Variants in SLC36A1 observed in about 807,000 individuals in gnomAD.
The protein encoded by SLC36A1 is solute carrier family 36 member 1.
SLC36A1 carries 30 observed loss-of-function variants against 47.5 expected under a neutral mutation model. That is an observed-to-expected ratio of 0.63 (90% CI 0.47 to 0.86). SLC36A1 has a LOEUF of 0.86. Ranked by LOEUF, SLC36A1 falls within the 40% of genes least tolerant of loss-of-function variation. The pLI, the probability that SLC36A1 is intolerant of heterozygous loss-of-function variation, is 0.00. For synonymous variants in SLC36A1, 255 were observed against 249.7 expected (o/e 1.02, Z -0.20); for missense variants, 517 against 606.0 (o/e 0.85, Z 1.54).
chr5:151,510,355 C>G, the SLC36A1 span: 9 of 619,548 alleles, frequency 1.5e-5, no homozygotes, highest in Non-Finnish European at 2.2e-5. Context: ...GCACTTTGGT[C>G]CCTGCCCTCA....
At chr5:151,453,921 A>G (rs1050483961) in intron 1 of SLC36A1, among the ~76,000 whole-genome samples, 1 of 152,018 alleles carries the variant, frequency 6.6e-6, no homozygotes, top group African/African-American at 2.4e-5. Flanking sequence ...TACATTTTCC[A>G]TATTGCATCC....
the SLC36A1 span, among the ~76,000 whole-genome samples, chr5:151,501,131 G>T: frequency 6.6e-6 from 1 of 152,188 alleles, no homozygotes; most frequent in Non-Finnish European, 1.5e-5. Flanking sequence ...TTCTCTATGG[G>T]CCTTAGCATG....
the SLC36A1 span, among the ~76,000 whole-genome samples, chr5:151,555,289 T>C: frequency 1.3e-5 from 2 of 152,192 alleles, no homozygotes; most frequent in African/African-American, 2.4e-5. Context: ...AAATATCTGT[T>C]ACTGAACTGT....
the SLC36A1 span, among the ~76,000 whole-genome samples, chr5:151,362,985 T>G: frequency 2.0e-5 from 3 of 152,232 alleles, no homozygotes; most frequent in African/African-American, 7.2e-5. Context: ...CGTGTACTGT[T>G]ATTTCTTGTG....
intron 10 of SLC36A1, among the ~76,000 whole-genome samples, chr5:151,483,007 A>C (rs1367832220): frequency 6.6e-6 from 1 of 152,186 alleles, no homozygotes; most frequent in South Asian, 2.1e-4. Context: ...ACTGCACTCC[A>C]GCCTAGGTGA....
chr5:151,360,358 C>G, the SLC36A1 span, among the ~76,000 whole-genome samples: 156 of 152,010 alleles, frequency 1.0e-3, no homozygotes, highest in African/African-American at 3.7e-3. Context: ...ATAAAGTGAG[C>G]TAGAAAAAAG....
At chr5:151,411,197 G>A in the SLC36A1 span, among the ~76,000 whole-genome samples, 11 of 144,576 alleles carry the variant, frequency 7.6e-5, 2 homozygotes, top group South Asian at 5.1e-4. Context: ...ATCCATGGTG[G>A]GTGTCAGGAG....
the SLC36A1 span, among the ~76,000 whole-genome samples, chr5:151,398,066 C>T: frequency 6.6e-6 from 1 of 152,108 alleles, no homozygotes; most frequent in Admixed American, 6.6e-5. Context: ...TATAGTAAGC[C>T]AAAGTCGCAC....
chr5:151,488,212 C>A lies in SLC36A1; in HGVS notation c.1389C>A (p.Ser463Arg). ...CTCTCTATGAGCTGATCCAGCCAAGCAATGCTCCCATCTTCATCAATTCCA... is the reference window on the plus strand; with the variant it reads ...CTCTCTATGAGCTGATCCAGCCAAGAAATGCTCCCATCTTCATCAATTCCA... ...YEALYELIQP[S>R]NAPIFINSTC... Residue 463 changes from serine (S) to arginine (R), a missense_variant, in exon 11 of 11, where the codon AGC (serine) becomes AGA (arginine). Physicochemically the swap from Ser to Arg is moderately radical, Grantham distance 110. Transcript: ENST00000243389. The A allele has an allele frequency of 6.2e-7, 1 of 1,614,166 alleles. No homozygotes were observed. The highest frequency in any genetic ancestry group is 2.2e-5 in the East Asian group (1 of 44,862).
chr5:151,532,419 G>A, the SLC36A1 span, among the ~76,000 whole-genome samples: 6 of 148,352 alleles, frequency 4.0e-5, no homozygotes, highest in South Asian at 2.2e-4. Flanking sequence ...ACACACACAC[G>A]CAAATGAGTG....
chr5:151,546,237 C>G, the SLC36A1 span: 3 of 1,614,168 alleles, frequency 1.9e-6, no homozygotes, highest in Admixed American at 5.0e-5. Context: ...CTTCTGCCTT[C>G]ACTGTCAGAG....
the SLC36A1 span, among the ~76,000 whole-genome samples, chr5:151,412,280 G>A: frequency 6.9e-6 from 1 of 144,646 alleles, no homozygotes; most frequent in African/African-American, 2.5e-5. Context: ...TAAACATGGG[G>A]AAAAATTATA....
chr5:151,495,630 C>G (rs1287901401), downstream of SLC36A1, among the ~76,000 whole-genome samples: 1 of 152,124 alleles, frequency 6.6e-6, no homozygotes, highest in Non-Finnish European at 1.5e-5. Context: ...ACCGTCACCT[C>G]AAGACTCCTT....
the SLC36A1 span, among the ~76,000 whole-genome samples, chr5:151,402,825 A>G: frequency 1.3e-5 from 2 of 152,008 alleles, no homozygotes; most frequent in Non-Finnish European, 2.9e-5. Context: ...TGAGGATCAT[A>G]TGTATTTCTG....
chr5:151,369,556 A>C, the SLC36A1 span, among the ~76,000 whole-genome samples: 1 of 152,226 alleles, frequency 6.6e-6, no homozygotes, highest in South Asian at 2.1e-4. Context: ...AGCTCACTGC[A>C]ACTTCAAACT....
the SLC36A1 span, chr5:151,531,896 C>G: frequency 1.9e-6 from 3 of 1,614,140 alleles, no homozygotes; most frequent in South Asian, 2.2e-5. The surrounding 1 kb of genome is among the most constrained non-coding windows in gnomAD (Gnocchi z 5.7). Context: ...AGGCGGATCA[C>G]CCCCGTGGTG....
the SLC36A1 span, chr5:151,512,549 G>C: frequency 1.2e-6 from 2 of 1,614,132 alleles, no homozygotes; most frequent in Non-Finnish European, 1.7e-6. The surrounding 1 kb of genome is among the most constrained non-coding windows in gnomAD (Gnocchi z 4.1). Context: ...TGGGAGGAAA[G>C]GTTTCCATAG....
chr5:151,555,138 A>G, the SLC36A1 span, among the ~76,000 whole-genome samples: 1 of 152,208 alleles, frequency 6.6e-6, no homozygotes, highest in Non-Finnish European at 1.5e-5. Flanking sequence ...AAAAGGCCCC[A>G]AAACCATTTC....
chr5:151,448,945 T>A (rs1403672768), intron 1 of SLC36A1, among the ~76,000 whole-genome samples: 1 of 151,768 alleles, frequency 6.6e-6, no homozygotes, highest in Non-Finnish European at 1.5e-5. Context: ...AGAGATGAGG[T>A]CTCACTATGC....
Sources: gnomAD v4.1 joint callset for allele counts (sites outside exome capture counted in the v4.1 genomes callset) on GRCh38, gnomAD v4.1.1 for gene constraint, Gnocchi (gnomAD v3.1) non-coding constraint, MANE v1.5 for transcripts, NCBI Gene and HGNC (gene_info 2026-07-23, HGNC 2026-07-21) for gene names.